Variants in CLIP1 observed in about 807,000 individuals in gnomAD.
The protein encoded by CLIP1 is CAP-Gly domain containing linker protein 1.
Under a neutral mutation model 161.6 loss-of-function variants are expected in CLIP1, and 66 were observed. That is an observed-to-expected ratio of 0.41 (90% CI 0.33 to 0.50). CLIP1 has a LOEUF of 0.50. Ranked by LOEUF, CLIP1 falls within the 20% of genes least tolerant of loss-of-function variation. The pLI is 0.27. For missense variants in CLIP1, 1,376 were observed against 1,702.0 expected (o/e 0.81, Z 3.37); for synonymous variants, 598 against 626.2 (o/e 0.96, Z 0.67).
At chr12:122,293,002 C>CAAAAAAAAA (rs57326141) in intron 20 of CLIP1, among the ~76,000 whole-genome samples, 2,019 of 43,374 alleles carry the variant, frequency 0.047, 66 homozygotes, top group Non-Finnish European at 0.06. Flanking sequence ...GACTCTGTCT[C>CAAAAAAAAA]AAAAAAAAAA....
chr12:122,352,040 A>G (rs1953059442), intron 8 of CLIP1, among the ~76,000 whole-genome samples: 1 of 148,776 alleles, frequency 6.7e-6, no homozygotes, highest in Non-Finnish European at 1.5e-5. Flanking sequence ...GAGATAAAGC[A>G]AAAAACTTTG....
intron 20 of CLIP1, among the ~76,000 whole-genome samples, chr12:122,298,334 C>T (rs1950550889): frequency 2.0e-5 from 3 of 152,140 alleles, no homozygotes; most frequent in Admixed American, 6.5e-5. Context: ...TCACACTGGG[C>T]ATGGCGGCTC....
At chr12:122,347,530 G>T in intron 9 of CLIP1, 51 bp from the exon 10 acceptor site, 1 of 1,386,848 alleles carries the variant, frequency 7.2e-7, no homozygotes, top group Non-Finnish European at 1.0e-6. Flanking sequence ...ACCATGACAT[G>T]CCAGCACGAG....
chr12:122,364,904 C>T (rs1954053896), intron 3 of CLIP1: 1 of 582,728 alleles, frequency 1.7e-6, no homozygotes, highest in African/African-American at 1.9e-5. Flanking sequence ...ATATTGCAGC[C>T]ATAAAAAATG....
intron 1 of CLIP1, among the ~76,000 whole-genome samples, chr12:122,415,483 A>G: frequency 1.3e-5 from 1 of 79,570 alleles, no homozygotes; most frequent in African/African-American, 5.9e-5. Context: ...CTCCATCTCA[A>G]AAAAAAAAAA....
chr12:122,366,237 G>A (rs1197726006), intron 3 of CLIP1, among the ~76,000 whole-genome samples: 5 of 151,212 alleles, frequency 3.3e-5, no homozygotes, highest in Non-Finnish European at 7.4e-5. Context: ...CACCCGGGAA[G>A]CGGAGGTTGC....
At chr12:122,391,156 C>T (rs1955642597) in intron 1 of CLIP1, among the ~76,000 whole-genome samples, 1 of 151,946 alleles carries the variant, frequency 6.6e-6, no homozygotes, top group Non-Finnish European at 1.5e-5. Flanking sequence ...GATGTGGTGG[C>T]GGGCACCTGT....
chr12:122,351,033 G>T, intron 9 of CLIP1, 78 bp downstream of exon 9: 1 of 1,069,502 alleles, frequency 9.4e-7, no homozygotes, highest in Non-Finnish European at 1.4e-6. Context: ...TAGTGTTTGA[G>T]TATATCAATA....
Position 122,364,045 on chromosome 12 carries a change from C to A in CLIP1, c.720G>T (p.Glu240Asp). The A allele has an allele frequency of 6.2e-7, 1 of 1,614,152 alleles. No individual in the cohort carries two copies. Among genetic ancestry groups the A allele is most frequent in the Non-Finnish European group, 8.5e-7 (1 of 1,180,034 alleles). Residue 240 changes from glutamate to aspartate, a missense_variant, in exon 4 of 26, where the codon GAG becomes GAT. By Grantham distance (45) the Glu-to-Asp change is conservative. Transcript: ENST00000620786. The stretch of plus-strand genomic sequence containing the variant: ...GCTCATCTAACTCCACGCCACACCA[C>A]TCCCCCTTGGCAAAGTCGGTCTCCC... ...FLGETDFAKGEWCGVELDEPL... is the reference protein window; with the variant it reads ...FLGETDFAKGDWCGVELDEPL...
Position 122,341,968 on chromosome 12 carries a change from G to A in CLIP1, c.1507-271C>T, listed in dbSNP as rs138781322. 1.5e-3 allele frequency: 332 copies of A among 218,476 alleles called. 4 individuals are homozygous for A. In the East Asian group the frequency reaches 0.029, roughly 19 times the overall value. 13.5% of individuals were successfully genotyped at this position (218,476 alleles called of 1,614,324 possible). ...CCAGCTAATTTTTGCATTTTTAGTA[G>A]AGATGGGGTTTCACCATGTTGGTTA... On this transcript the variant is annotated intron_variant, in intron 10 of 25. Coordinates refer to ENST00000620786, the MANE Select transcript of CLIP1 (RefSeq NM_001247997.2).
chr12:122,340,735 G>A lies in CLIP1; in HGVS notation c.2451+18C>T. 1 of 1,509,440 alleles carries A rather than the reference G, an allele frequency of 6.6e-7. No individual in the cohort carries two copies. The highest frequency in any genetic ancestry group is 8.9e-7 in the Non-Finnish European group (1 of 1,118,074). 93.5% of individuals were successfully genotyped at this position (1,509,440 alleles called of 1,614,324 possible). On this transcript the variant is annotated intron_variant, in intron 11 of 25. Transcript: ENST00000620786. ...ATAACAAATGGAAAAGAAAAGAATG[G>A]AGGATGTCAATACAAACCTTGCTAC...
At chr12:122,409,828 G>A (rs530054529) in intron 1 of CLIP1, among the ~76,000 whole-genome samples, 14 of 151,572 alleles carry the variant, frequency 9.2e-5, no homozygotes, top group Admixed American at 3.9e-4. Flanking sequence ...CACCGCGCCC[G>A]GCCTCATTTG....
rs77363505 is a variant in CLIP1 at position 122,338,842 on chromosome 12, G to C, written c.2451+1911C>G. 9.9e-5 allele frequency among the ~76,000 whole-genome samples: 15 copies of C among 152,256 alleles called. No homozygotes were observed. The East Asian group carries it at 2.5e-3, about 25-fold the overall frequency. On this transcript the variant is annotated intron_variant, in intron 11 of 25. Coordinates refer to ENST00000620786, the MANE Select transcript of CLIP1 (RefSeq NM_001247997.2). ...AAATATTATCTTCTAATTAATTTTT[G>C]TGTTTTGATTAGTATTTCGGAACCA...
chr12:122,325,100 C>A (rs1158244261), intron 17 of CLIP1, among the ~76,000 whole-genome samples: 4 of 150,918 alleles, frequency 2.7e-5, no homozygotes, highest in African/African-American at 9.8e-5. Context: ...TATCTATTGC[C>A]CAGGCTGGAG....
chr12:122,336,259 C>G (rs1030655118), intron 12 of CLIP1, among the ~76,000 whole-genome samples: 14 of 149,674 alleles, frequency 9.4e-5, no homozygotes, highest in African/African-American at 3.1e-4. Context: ...CCCTGATAAT[C>G]ACAGTTTAGG....
intron 1 of CLIP1, among the ~76,000 whole-genome samples, chr12:122,384,140 C>T (rs1281757769): frequency 6.6e-6 from 1 of 152,198 alleles, no homozygotes; most frequent in Non-Finnish European, 1.5e-5. Context: ...TGTTTCCTCA[C>T]TTGTTCATCA....
At chr12:122,422,766 T>C (rs1210997383), upstream of CLIP1, 3 of 114,650 alleles carry the variant, frequency 2.6e-5, no homozygotes, top group Admixed American at 8.9e-5. Flanking sequence ...GCACCGGCCC[T>C]GCGGCCCGCG....
chr12:122,294,077 C>T (rs1405187934), intron 20 of CLIP1, among the ~76,000 whole-genome samples: 1 of 151,774 alleles, frequency 6.6e-6, no homozygotes, highest in Non-Finnish European at 1.5e-5. Context: ...ACCTGTAATC[C>T]CAGCACTTTG....
chr12:122,402,956 C>T (rs1027285289), intron 1 of CLIP1, among the ~76,000 whole-genome samples: 1 of 152,162 alleles, frequency 6.6e-6, no homozygotes, highest in African/African-American at 2.4e-5. Context: ...ATTTCACGTG[C>T]TCAATACGTG....
Sources: gnomAD v4.1 joint callset for allele counts (sites outside exome capture counted in the v4.1 genomes callset) on GRCh38, gnomAD v4.1.1 for gene constraint, MANE v1.5 for transcripts, NCBI Gene and HGNC (gene_info 2026-07-23, HGNC 2026-07-21) for gene names.